The following RYK variants were observed in gnomAD, a reference collection of about 807,000 sequenced individuals.
RYK encodes receptor like tyrosine kinase.
Under a neutral mutation model 70.2 loss-of-function variants are expected in RYK, and 21 were observed. The observed-to-expected ratio is 0.30, with a 90% CI of 0.21 to 0.43. The LOEUF (loss-of-function observed/expected upper bound fraction) is 0.43. Among genes scored for constraint, RYK ranks in the 20% least tolerant of loss-of-function variants. RYK has a pLI of 1.00. For missense variants in RYK, 604 were observed against 753.3 expected, an observed-to-expected ratio of 0.80 and a Z score of 2.32; for synonymous variants, 267 against 278.0, an observed-to-expected ratio of 0.96 and a Z score of 0.39.
intron 2 of RYK, among the ~76,000 whole-genome samples, chr3:134,212,574 T>A (rs1012568430): frequency 4.6e-5 from 7 of 152,214 alleles, no homozygotes; most frequent in Non-Finnish European, 1.0e-4. Context: ...CGATAAACCA[T>A]TCTTCAAGAA....
chr3:134,239,345 C>T (rs187237943), intron 1 of RYK, among the ~76,000 whole-genome samples: 52 of 152,124 alleles, frequency 3.4e-4, no homozygotes, highest in Middle Eastern at 3.4e-3. Context: ...CACCTGTAGT[C>T]CCAGCTATTT....
chr3:134,163,151 G>A (rs142059766), intron 13 of RYK, among the ~76,000 whole-genome samples: 1 of 151,908 alleles, frequency 6.6e-6, no homozygotes, highest in South Asian at 2.1e-4. Flanking sequence ...ACTAAAAGAC[G>A]CCATAAAAAA....
chr3:134,193,215 A>G lies in RYK; in HGVS notation c.890-1241T>C, dbSNP rs566716292. ...TTTTTTTTTTTTGAGACGGAGTCTC[A>G]CTCTGTTGCCTAGGCTGGAGTGCAG... On this transcript the variant is annotated intron_variant, in intron 7 of 14. Coordinates refer to ENST00000623711, the MANE Select transcript of RYK (RefSeq NM_002958.4). 1.1e-3 allele frequency among the ~76,000 whole-genome samples: 161 copies of G among 149,954 alleles called. 5 individuals are homozygous for G. In the South Asian group the frequency reaches 0.032, roughly 30 times the overall value.
At chr3:134,196,406 C>T (rs980610962) in intron 6 of RYK, among the ~76,000 whole-genome samples, 1 of 152,080 alleles carries the variant, frequency 6.6e-6, no homozygotes, top group African/African-American at 2.4e-5. Context: ...CTGACCACTT[C>T]CCACATAATA....
At chr3:134,206,243 T>C (rs748687039) in intron 5 of RYK, among the ~76,000 whole-genome samples, 3 of 152,086 alleles carry the variant, frequency 2.0e-5, no homozygotes, top group Non-Finnish European at 2.9e-5. Context: ...CAGCACAGAG[T>C]ACCTACCATC....
intron 2 of RYK, among the ~76,000 whole-genome samples, chr3:134,218,506 A>G (rs1303404477): frequency 6.6e-6 from 1 of 152,244 alleles, no homozygotes. Flanking sequence ...ACAACAGGTC[A>G]CAGCTTTATG....
At chr3:134,223,379 TATTTA>T (rs1412993112) in intron 1 of RYK, among the ~76,000 whole-genome samples, 3 of 152,340 alleles carry the variant, frequency 2.0e-5, no homozygotes, top group African/African-American at 4.8e-5. Context: ...CTTTAAAACT[TATTTA>T]ATTTGTTAAA....
At chr3:134,203,250 A>G (rs2014086633) in intron 5 of RYK, among the ~76,000 whole-genome samples, 1 of 152,158 alleles carries the variant, frequency 6.6e-6, no homozygotes, top group South Asian at 2.1e-4. Flanking sequence ...CAGGAGGCTG[A>G]GGCATGAGAA....
At chr3:134,176,510 G>A (rs763402535) in intron 11 of RYK, among the ~76,000 whole-genome samples, 7 of 152,078 alleles carry the variant, frequency 4.6e-5, no homozygotes, top group African/African-American at 9.7e-5. Flanking sequence ...AGGCTGAGGT[G>A]GGAGGATCAC....
intron 1 of RYK, among the ~76,000 whole-genome samples, 156 bp downstream of exon 1, chr3:134,250,267 A>G (rs1327996903): frequency 1.3e-5 from 2 of 152,044 alleles, no homozygotes; most frequent in Non-Finnish European, 1.5e-5. Flanking sequence ...CCCAGCCAGC[A>G]CGGCAGGCAG....
chr3:134,219,174 G>A lies in RYK; in HGVS notation c.354+3244C>T, dbSNP rs190259855. 2.2e-3 allele frequency among the ~76,000 whole-genome samples: 335 copies of A among 152,192 alleles called. 1 individual carries two copies. The highest frequency in any genetic ancestry group is 5.9e-3 in the African/African-American group (246 of 41,522). On this transcript the variant is annotated intron_variant, in intron 2 of 14. Coordinates refer to ENST00000623711, the MANE Select transcript of RYK (RefSeq NM_002958.4). ...CTTCTCCTAACCCAAAATGTACCAT[G>A]CTAACACTGCTTCCCCTTCAAACAT...
In RYK at chr3:134,241,358, A is replaced by G. The variant is rs529413596; in HGVS notation, c.232+9065T>C. On this transcript the variant is annotated intron_variant, in intron 1 of 14. Transcript: ENST00000623711. Reference sequence around the variant, plus strand: ...GAGCAAGACTCTATCTCAAAAAAAAAAAAAGAAAGGTGACAAACTATGTAT... The same window carrying G: ...GAGCAAGACTCTATCTCAAAAAAAAGAAAAGAAAGGTGACAAACTATGTAT... Among the ~76,000 whole-genome samples, 244 of 152,058 alleles carry G rather than the reference A, an allele frequency of 1.6e-3. 2 individuals carry two copies. The South Asian group carries it at 0.021, about 13-fold the overall frequency.
At chr3:134,169,136 C>G (rs553136852) in intron 13 of RYK, among the ~76,000 whole-genome samples, 1 of 152,156 alleles carries the variant, frequency 6.6e-6, no homozygotes, top group Non-Finnish European at 1.5e-5. Context: ...CTCTTCACTG[C>G]CATAAACCAT....
chr3:134,199,008 G>A (rs199818416), intron 6 of RYK, among the ~76,000 whole-genome samples: 1 of 152,170 alleles, frequency 6.6e-6, no homozygotes, highest in East Asian at 1.9e-4. Flanking sequence ...CAAACTAACA[G>A]GGAAAGACTA....
chr3:134,229,198 C>A (rs796404508), intron 1 of RYK, among the ~76,000 whole-genome samples: 1 of 151,838 alleles, frequency 6.6e-6, no homozygotes, highest in Non-Finnish European at 1.5e-5. Context: ...CAGAGCGGAG[C>A]GCTCCCTCTC....
chr3:134,238,853 G>C (rs568515218), intron 1 of RYK, among the ~76,000 whole-genome samples: 2 of 152,144 alleles, frequency 1.3e-5, no homozygotes, highest in Non-Finnish European at 2.9e-5. Flanking sequence ...AGGACAGCAG[G>C]TTATGCATTT....
chr3:134,206,593 T>C (rs1461400216), intron 5 of RYK, among the ~76,000 whole-genome samples: 1 of 152,176 alleles, frequency 6.6e-6, no homozygotes, highest in Non-Finnish European at 1.5e-5. Flanking sequence ...TGCTGTTAAT[T>C]TTGTTATATG....
chr3:134,175,840 T>C, intron 12 of RYK, 72 bp from the exon 13 acceptor site: 6 of 1,570,570 alleles, frequency 3.8e-6, no homozygotes, highest in Non-Finnish European at 5.3e-6. Flanking sequence ...CACCCTTAAA[T>C]ACAACACAAG....
chr3:134,178,282 T>C (rs1560004620), intron 10 of RYK: 1 of 419,048 alleles, frequency 2.4e-6, no homozygotes, highest in South Asian at 4.1e-5. Context: ...TATATGCACA[T>C]TCTTGGTAGG....
Sources: gnomAD v4.1 joint callset for allele counts (sites outside exome capture counted in the v4.1 genomes callset) on GRCh38, gnomAD v4.1.1 for gene constraint, MANE v1.5 for transcripts, NCBI Gene and HGNC (gene_info 2026-07-23, HGNC 2026-07-21) for gene names.